The following TRIP12 variants were observed in gnomAD, a reference collection of about 807,000 sequenced individuals.
TRIP12 encodes thyroid hormone receptor interactor 12, also known as E3 ubiquitin-protein ligase TRIP12.
Under a neutral mutation model 244.2 loss-of-function variants are expected in TRIP12, and 25 were observed. The ratio of observed to expected loss-of-function variants is 0.10; its 90% CI spans 0.07 to 0.14. TRIP12 has a LOEUF of 0.14. Among genes scored for constraint, TRIP12 ranks in the 10% least tolerant of loss-of-function variants. The probability of loss-of-function intolerance (pLI) is 1.00; values close to 1 mark genes in which losing one functional copy is unlikely to be tolerated. For synonymous variants in TRIP12, 905 were observed against 873.1 expected (o/e 1.04, Z -0.64); for missense variants, 1,677 against 2,486.4 (o/e 0.67, Z 6.92).
chr2:229,922,356 T>A, upstream of TRIP12: 1 of 670,348 alleles, frequency 1.5e-6, no homozygotes, highest in Non-Finnish European at 2.5e-6. Flanking sequence ...GGATCAGGGT[T>A]CCCTAAGACC....
At chr2:229,812,413 CAG>C (rs2047492484) in intron 13 of TRIP12, among the ~76,000 whole-genome samples, 1 of 152,084 alleles carries the variant, frequency 6.6e-6, no homozygotes, top group Admixed American at 6.5e-5. Flanking sequence ...AACACATAAA[CAG>C]ATTTTTAAAA....
chr2:229,839,325 T>C (rs905530636), intron 5 of TRIP12, among the ~76,000 whole-genome samples: 1 of 152,196 alleles, frequency 6.6e-6, no homozygotes, highest in Non-Finnish European at 1.5e-5. Context: ...TTCTCCATGA[T>C]GTTTGCATGG....
chr2:229,807,781 C>G lies in TRIP12; in HGVS notation c.2423G>C (p.Gly808Ala). The part of the protein sequence containing the change: ...LKKGNAQNTD[G>A]AIWQWRDDRG... ...ATCATCACGCCACTGCCATATCGCA[C>G]CATCTGTGTTCTGTGCATTTCCCTT... The change falls in exon 17 of 42, where the codon GGT becomes GCT. Residue 808 changes from glycine (G) to alanine (A), a missense_variant. Coordinates refer to ENST00000675903, the MANE Select transcript of TRIP12 (RefSeq NM_001348323.3). 6.2e-7 allele frequency: 1 copy of G among 1,614,188 alleles called. No individual in the cohort carries two copies. The highest frequency in any genetic ancestry group is 8.5e-7 in the Non-Finnish European group (1 of 1,180,046).
At position 229,859,452 on chromosome 2, in the gene TRIP12, C is replaced by A. The variant is rs747889619; in HGVS notation, c.347G>T (p.Arg116Leu). Reference sequence around the variant, plus strand: ...CCTGTTGTAGTCTGGACTAGCACTGCGCTTCACTCCTCGAGAATTGTCTTT... The same window carrying A: ...CCTGTTGTAGTCTGGACTAGCACTGAGCTTCACTCCTCGAGAATTGTCTTT... ...PKKDNSRGVK[R>L]SASPDYNRTN... The change falls in exon 4 of 42, where the codon CGC becomes CTC. Residue 116 changes from arginine to leucine, a missense_variant. Physicochemically the swap from Arg to Leu is moderately radical, Grantham distance 102 (BLOSUM62 -2). Coordinates refer to ENST00000675903, the MANE Select transcript of TRIP12 (RefSeq NM_001348323.3). The A allele has an allele frequency of 6.2e-7, 1 of 1,613,992 alleles. No homozygotes were observed. The highest frequency in any genetic ancestry group is 8.5e-7 in the Non-Finnish European group (1 of 1,180,032).
chr2:229,841,298 T>C (rs1343378412), intron 4 of TRIP12, among the ~76,000 whole-genome samples: 2 of 152,250 alleles, frequency 1.3e-5, no homozygotes, highest in Non-Finnish European at 2.9e-5. Context: ...TTATCAACTT[T>C]GTTACACTGT....
At chr2:229,918,424 GA>G (rs751680557) in intron 1 of TRIP12, among the ~76,000 whole-genome samples, 3 of 152,304 alleles carry the variant, frequency 2.0e-5, no homozygotes, top group Admixed American at 6.5e-5. Context: ...TAAAAGGGGG[GA>G]AAGTTCCCTA....
At chr2:229,838,798 C>G (rs2055549259) in intron 5 of TRIP12, among the ~76,000 whole-genome samples, 2 of 152,126 alleles carry the variant, frequency 1.3e-5, no homozygotes, top group African/African-American at 4.8e-5. Flanking sequence ...TGTACTAAAT[C>G]CAGATATTTT....
intron 1 of TRIP12, among the ~76,000 whole-genome samples, chr2:229,906,460 A>C (rs2072853773): frequency 6.6e-6 from 1 of 151,676 alleles, no homozygotes; most frequent in Non-Finnish European, 1.5e-5. Flanking sequence ...AGTGGCTCAC[A>C]ACTGTAATCC....
At chr2:229,797,118 A>C (rs778420363) in intron 24 of TRIP12, among the ~76,000 whole-genome samples, 9 of 152,210 alleles carry the variant, frequency 5.9e-5, no homozygotes, top group Non-Finnish European at 1.0e-4. Context: ...GGAAAGATGA[A>C]TCAAGAATAC....
At chr2:229,922,703 T>C (rs2076778670), upstream of TRIP12, 2 of 1,336,594 alleles carry the variant, frequency 1.5e-6, no homozygotes, top group African/African-American at 1.5e-5. Context: ...AGAGCAACCG[T>C]AGCCCGCCGG....
intron 8 of TRIP12, among the ~76,000 whole-genome samples, chr2:229,826,085 G>T (rs1414015405): frequency 6.6e-6 from 1 of 152,078 alleles, no homozygotes; most frequent in Admixed American, 6.6e-5. Context: ...AATTTTTCCT[G>T]TATCAACTAT....
chr2:229,783,999 A>G (rs2039186810), intron 34 of TRIP12, among the ~76,000 whole-genome samples: 1 of 151,576 alleles, frequency 6.6e-6, no homozygotes, highest in Non-Finnish European at 1.5e-5. Context: ...AATCCCAGCT[A>G]CTCTGGAGGC....
Position 229,815,214 on chromosome 2 carries a change from A to G in TRIP12, c.1636-20T>C. 3 of 1,601,742 alleles carry G rather than the reference A, an allele frequency of 1.9e-6. No individual in the cohort carries two copies. Among genetic ancestry groups the G allele is most frequent in the South Asian group, 1.1e-5 (1 of 88,748 alleles). ...GTTCATCTAGAAAAGAAGAGATTTT[A>G]ATGAGTAAAAACTCAAAACTTAAAT... On this transcript the variant is annotated intron_variant, in intron 10 of 41. Transcript: ENST00000675903.
Position 229,837,000 on chromosome 2 carries a change from G to A in TRIP12, c.1134-16C>T, listed in dbSNP as rs373364328. The A allele has an allele frequency of 5.3e-6, 8 of 1,522,560 alleles. No homozygotes were observed. Among genetic ancestry groups the A allele is most frequent in the Non-Finnish European group, 4.4e-6 (5 of 1,139,728 alleles). The allele number at this position is 1,522,560 out of a possible 1,614,324, so 94.3% of individuals were successfully genotyped here. A position where few individuals can be genotyped will look rare whatever the true frequency, so the allele number is the denominator to read the frequency against. On this transcript the variant is annotated splice_polypyrimidine_tract_variant and intron_variant, in intron 5 of 41. Coordinates refer to ENST00000675903, the MANE Select transcript of TRIP12 (RefSeq NM_001348323.3). Reference sequence around the variant, plus strand: ...GCCTCGCCGACTACAACAGAAAAATGTCATCATGGGCAGCATTACCAGTGA... The same window carrying A: ...GCCTCGCCGACTACAACAGAAAAATATCATCATGGGCAGCATTACCAGTGA...
Position 229,871,310 on chromosome 2 carries a change from T to C in TRIP12, c.98+8672A>G, listed in dbSNP as rs73101688. Reference sequence around the variant, plus strand: ...CAATTTTCTTTGCAATATTAGAAAATTAAAAGACATTAGTAATATGGTTTA... The same window carrying C: ...CAATTTTCTTTGCAATATTAGAAAACTAAAAGACATTAGTAATATGGTTTA... On this transcript the variant is annotated intron_variant, in intron 2 of 41. Transcript: ENST00000675903. Among the ~76,000 whole-genome samples, 806 of 152,252 alleles carry C rather than the reference T, an allele frequency of 5.3e-3. 9 individuals are homozygous for C. Among genetic ancestry groups the C allele is most frequent in the African/African-American group, 0.019 (780 of 41,546 alleles).
chr2:229,843,725 A>C (rs2057003810), intron 4 of TRIP12, among the ~76,000 whole-genome samples: 1 of 152,108 alleles, frequency 6.6e-6, no homozygotes, highest in African/African-American at 2.4e-5. Context: ...CACAAAAAAT[A>C]AATAAATAAA....
chr2:229,856,575 C>T (rs1188176089), intron 4 of TRIP12, among the ~76,000 whole-genome samples: 1 of 152,194 alleles, frequency 6.6e-6, no homozygotes, highest in Non-Finnish European at 1.5e-5. Context: ...CCCTCCTACA[C>T]ATAAGAGATG....
At position 229,859,115 on chromosome 2, in the gene TRIP12, G is replaced by T; in HGVS notation, c.684C>A (p.Ala228=). The T allele has an allele frequency of 6.2e-7, 1 of 1,614,188 alleles. No individual in the cohort carries two copies. Among genetic ancestry groups the T allele is most frequent in the Non-Finnish European group, 8.5e-7 (1 of 1,180,032 alleles). Residue 228 remains alanine, a synonymous_variant, in exon 4 of 42, where the codon GCC becomes GCA. Transcript: ENST00000675903. ...TKLASKSATS[A]KAGCSTITDS... is the part of the protein sequence containing the mutation. ...CAGTGATGGTGCTACACCCAGCTTT[G>T]GCTGAGGTGGCTGATTTTGAAGCCA...
chr2:229,865,051 T>C (rs1266646383), intron 2 of TRIP12, among the ~76,000 whole-genome samples: 1 of 152,144 alleles, frequency 6.6e-6, no homozygotes, highest in Non-Finnish European at 1.5e-5. Context: ...CTCATGCCTG[T>C]AATCCCAGCA....
Sources: gnomAD v4.1 joint callset for allele counts (sites outside exome capture counted in the v4.1 genomes callset) on GRCh38, gnomAD v4.1.1 for gene constraint, MANE v1.5 for transcripts, NCBI Gene and HGNC (gene_info 2026-07-23, HGNC 2026-07-21) for gene names.